The following ANK1 variants were observed in gnomAD, a reference collection of about 807,000 sequenced individuals.
ANK1 encodes the protein ankyrin-1.
A neutral mutation model predicts 210.4 loss-of-function variants in ANK1; 51 were observed. That is an observed-to-expected ratio of 0.24 (90% CI 0.19 to 0.31). The LOEUF (loss-of-function observed/expected upper bound fraction) is 0.31, where lower values mean the gene tolerates loss of function less well. ANK1 is among the 10% of genes least tolerant of loss of function. The probability of loss-of-function intolerance (pLI) is 1.00; values close to 1 mark genes in which losing one functional copy is unlikely to be tolerated. For missense variants in ANK1, 2,051 were observed against 2,504.4 expected (o/e 0.82, Z 3.86); for synonymous variants, 967 against 1,025.9 (o/e 0.94, Z 1.10).
intron 38 of ANK1, among the ~76,000 whole-genome samples, 154 bp from the exon 39 acceptor site, chr8:41,668,718 G>T (rs1029049815): frequency 5.3e-5 from 8 of 152,158 alleles, no homozygotes; most frequent in African/African-American, 1.9e-4. Context: ...AAGGTCAGGG[G>T]CGCATGAGCA....
At chr8:41,873,315 C>T (rs943793296) in intron 1 of ANK1, among the ~76,000 whole-genome samples, 2 of 152,160 alleles carry the variant, frequency 1.3e-5, no homozygotes, top group Non-Finnish European at 1.5e-5. Context: ...CTGACAGTGC[C>T]GCTTTCTCTT....
At chr8:41,701,869 T>C (rs1315241428) in intron 21 of ANK1, among the ~76,000 whole-genome samples, 183 bp downstream of exon 21, 2 of 152,154 alleles carry the variant, frequency 1.3e-5, no homozygotes, top group South Asian at 4.1e-4. Context: ...CCCCTAGTCC[T>C]CGGGCCGCTA....
chr8:41,719,013 C>G (rs1412266902), intron 10 of ANK1, among the ~76,000 whole-genome samples: 1 of 152,226 alleles, frequency 6.6e-6, no homozygotes, highest in South Asian at 2.1e-4. Context: ...ATGAGCCATC[C>G]TCTGCCATCC....
intron 1 of ANK1, among the ~76,000 whole-genome samples, chr8:41,826,164 C>T (rs1478361308): frequency 6.6e-6 from 1 of 152,138 alleles, no homozygotes; most frequent in East Asian, 1.9e-4. Context: ...CTTGGTGCCC[C>T]CAACCTGCCA....
At chr8:41,684,480 T>C (rs1477471892) in intron 37 of ANK1, 64 bp downstream of exon 37, 1 of 1,601,038 alleles carries the variant, frequency 6.2e-7, no homozygotes, top group East Asian at 2.2e-5. Flanking sequence ...GAAGGGGTTA[T>C]TGGTGCTGAT....
At chr8:41,817,651 A>G (rs1463616168) in intron 1 of ANK1, among the ~76,000 whole-genome samples, 2 of 152,242 alleles carry the variant, frequency 1.3e-5, no homozygotes, top group East Asian at 3.8e-4. Flanking sequence ...AAAAGTTTTA[A>G]TAAACTGTTT....
At chr8:41,731,503 C>T (rs1490966555) in intron 3 of ANK1, among the ~76,000 whole-genome samples, 2 of 151,900 alleles carry the variant, frequency 1.3e-5, no homozygotes, top group East Asian at 1.9e-4. Context: ...GGAGAGAATG[C>T]GTTTGTTTTG....
chr8:41,865,650 A>G (rs1478315657), intron 1 of ANK1, among the ~76,000 whole-genome samples: 1 of 151,748 alleles, frequency 6.6e-6, no homozygotes, highest in African/African-American at 2.4e-5. Flanking sequence ...CACAATGCAC[A>G]TGCCACCATG....
At chr8:41,756,165 C>G (rs555628589) in intron 2 of ANK1, among the ~76,000 whole-genome samples, 2 of 152,102 alleles carry the variant, frequency 1.3e-5, no homozygotes, top group East Asian at 3.8e-4. Flanking sequence ...TTATTTAAGA[C>G]AGAGTTTCAC....
chr8:41,671,553 GCA>G (rs1812288527), intron 38 of ANK1, among the ~76,000 whole-genome samples: 1 of 151,916 alleles, frequency 6.6e-6, no homozygotes, highest in South Asian at 2.1e-4. Context: ...CTCTAAGTGA[GCA>G]CTCCAGGTAC....
At chr8:41,858,177 A>G (rs1812568952) in intron 1 of ANK1, among the ~76,000 whole-genome samples, 1 of 152,032 alleles carries the variant, frequency 6.6e-6, no homozygotes, top group South Asian at 2.1e-4. Flanking sequence ...GGCTGCAGTG[A>G]GCTATGACTG....
chr8:41,765,701 G>A (rs1180270884), intron 1 of ANK1, among the ~76,000 whole-genome samples: 2 of 152,180 alleles, frequency 1.3e-5, no homozygotes, highest in African/African-American at 2.4e-5. Flanking sequence ...GTTCTCATCA[G>A]GACTGCTCTG....
chr8:41,830,705 A>C (rs1806432473), intron 1 of ANK1, among the ~76,000 whole-genome samples: 1 of 152,172 alleles, frequency 6.6e-6, no homozygotes, highest in Non-Finnish European at 1.5e-5. Context: ...AAGAAAAGCA[A>C]ACAGCTCCTA....
intron 1 of ANK1, among the ~76,000 whole-genome samples, chr8:41,877,665 T>G (rs1027885752): frequency 6.6e-6 from 1 of 152,066 alleles, no homozygotes; most frequent in Non-Finnish European, 1.5e-5. Context: ...CCATTTCAGA[T>G]AGTGAAGAAA....
Position 41,653,269 on chromosome 8 carries a change from G to GAAT in ANK1, c.*2520_*2521insATT, listed in dbSNP as rs1333237005. On this transcript the variant is annotated 3_prime_UTR_variant, in exon 43 of 43. Coordinates refer to ENST00000289734, the MANE Select transcript of ANK1 (RefSeq NM_000037.4). ...TATTAATTTTGACATTGGTTCGGCTGGTGAAGGGAGAATGGTCTATACATC... is the reference window on the plus strand; with the variant it reads ...TATTAATTTTGACATTGGTTCGGCTGAATGTGAAGGGAGAATGGTCTATACATC... 6.6e-6 allele frequency: 1 copy of GAAT among 152,642 alleles called. No homozygotes were observed. Among genetic ancestry groups the GAAT allele is most frequent in the Non-Finnish European group, 1.5e-5 (1 of 68,080 alleles). The allele number at this position is 152,642 out of a possible 1,614,324, so 9.5% of individuals were successfully genotyped here. A position where few individuals can be genotyped will look rare whatever the true frequency, so the allele number is the denominator to read the frequency against.
intron 38 of ANK1, among the ~76,000 whole-genome samples, chr8:41,668,860 C>T (rs991297160): frequency 6.6e-6 from 1 of 152,158 alleles, no homozygotes; most frequent in South Asian, 2.1e-4. Flanking sequence ...ACTTGGCTCA[C>T]CCTAATGGTC....
chr8:41,682,355 C>T (rs577195437), intron 37 of ANK1, among the ~76,000 whole-genome samples: 3 of 152,352 alleles, frequency 2.0e-5, no homozygotes, highest in South Asian at 4.1e-4. Context: ...GCCCCGACTC[C>T]GGTCTGTTTC....
chr8:41,809,634 G>A (rs1802175954), intron 1 of ANK1, among the ~76,000 whole-genome samples: 1 of 151,982 alleles, frequency 6.6e-6, no homozygotes, highest in African/African-American at 2.4e-5. Context: ...CAGGCATGAG[G>A]GTGCATGCCT....
At chr8:41,682,818 G>A (rs947520199) in intron 37 of ANK1, among the ~76,000 whole-genome samples, 4 of 152,214 alleles carry the variant, frequency 2.6e-5, no homozygotes, top group Non-Finnish European at 2.9e-5. Context: ...AAAAGTATGC[G>A]CTGGGTGTCA....
Sources: allele counts gnomAD v4.1 joint callset (sites outside exome capture counted in the v4.1 genomes callset), GRCh38; gene constraint gnomAD v4.1.1; transcripts MANE v1.5; gene names NCBI Gene and HGNC (gene_info 2026-07-23, HGNC 2026-07-21).